The following AKT3 variants were observed in gnomAD, a reference collection of about 807,000 sequenced individuals.
AKT3 encodes the protein RAC-gamma serine/threonine-protein kinase.
Under a neutral mutation model 65.3 loss-of-function variants are expected in AKT3, and 15 were observed. The ratio of observed to expected loss-of-function variants is 0.23; its 90% CI spans 0.15 to 0.35. The LOEUF is 0.35. AKT3 is among the 10% of genes least tolerant of loss of function. The pLI is 1.00. For synonymous variants in AKT3, 206 were observed against 183.8 expected, an observed-to-expected ratio of 1.12 and a Z score of -0.98; for missense variants, 243 against 576.5, an observed-to-expected ratio of 0.42 and a Z score of 5.92.
At chr1:243,796,551 G>T (rs751366120) in intron 2 of AKT3, among the ~76,000 whole-genome samples, 1 of 152,180 alleles carries the variant, frequency 6.6e-6, no homozygotes, top group Non-Finnish European at 1.5e-5. Flanking sequence ...GCCAATGTAT[G>T]TCTATCTCTG....
At chr1:243,626,591 G>C (rs1267697593) in intron 6 of AKT3, among the ~76,000 whole-genome samples, 1 of 152,140 alleles carries the variant, frequency 6.6e-6, no homozygotes, top group African/African-American at 2.4e-5. Flanking sequence ...TAATCTCCTA[G>C]TAGGGACTGA....
rs185865030 is a variant in AKT3, at chr1:243,620,190, G to A, written c.562-5029C>T. Among the ~76,000 whole-genome samples, 251 of 98,084 alleles carry A rather than the reference G, an allele frequency of 2.6e-3. 87 individuals carry two copies. The highest frequency in any genetic ancestry group is 1.4e-3 in the East Asian group (5 of 3,634). The allele number at this position is 98,084 out of a possible 152,430, so 64.3% of individuals were successfully genotyped here. A position where few individuals can be genotyped will look rare whatever the true frequency, so the allele number is the denominator to read the frequency against. On this transcript the variant is annotated intron_variant, in intron 6 of 13. Coordinates refer to ENST00000673466, the MANE Select transcript of AKT3 (RefSeq NM_005465.7). ...CTGATGGTTTTATAAGTGTCTGACA[G>A]TTCCTCTTCACACACTCGCCCTTTC... is the stretch of plus-strand genomic sequence containing the variant.
At chr1:243,792,488 A>G (rs1451067297) in intron 2 of AKT3, among the ~76,000 whole-genome samples, 1 of 152,198 alleles carries the variant, frequency 6.6e-6, no homozygotes, top group Non-Finnish European at 1.5e-5. Flanking sequence ...CCATGAAAGC[A>G]AACAACATGA....
intron 6 of AKT3, among the ~76,000 whole-genome samples, chr1:243,634,477 TATAAC>T (rs1342373936): frequency 6.6e-6 from 1 of 151,942 alleles, no homozygotes; most frequent in East Asian, 1.9e-4. Context: ...ATAGAAAACT[TATAAC>T]AATATATTGT....
intron 2 of AKT3, among the ~76,000 whole-genome samples, chr1:243,772,641 G>A (rs916187991): frequency 2.0e-5 from 3 of 152,184 alleles, no homozygotes; most frequent in Admixed American, 6.5e-5. Flanking sequence ...ATTCCTCAGA[G>A]ATCTAGAACT....
intron 2 of AKT3, among the ~76,000 whole-genome samples, chr1:243,742,127 T>C (rs900611645): frequency 6.7e-6 from 1 of 150,210 alleles, no homozygotes; most frequent in Non-Finnish European, 1.5e-5. Flanking sequence ...CACCATTGTA[T>C]ATAAGGGACT....
At chr1:243,577,274 G>T (rs1252074419) in intron 8 of AKT3, among the ~76,000 whole-genome samples, 1 of 152,140 alleles carries the variant, frequency 6.6e-6, no homozygotes, top group Non-Finnish European at 1.5e-5. Context: ...AGCCTCCTGA[G>T]TAGCTGAGAT....
intron 4 of AKT3, among the ~76,000 whole-genome samples, chr1:243,661,614 C>A (rs1234281307): frequency 4.0e-5 from 6 of 151,710 alleles, no homozygotes; most frequent in South Asian, 2.1e-4. Flanking sequence ...AGAAGAAAAC[C>A]TAGGCATTAC....
chr1:243,593,421 C>T (rs1158929718), intron 8 of AKT3, among the ~76,000 whole-genome samples: 2 of 152,072 alleles, frequency 1.3e-5, no homozygotes, highest in Non-Finnish European at 2.9e-5. Context: ...AAGCCGGGCA[C>T]AGTGTCTGTA....
chr1:243,530,507 G>A (rs1343002551), intron 12 of AKT3, among the ~76,000 whole-genome samples: 1 of 152,142 alleles, frequency 6.6e-6, no homozygotes, highest in Admixed American at 6.5e-5. Flanking sequence ...CAGAATCTCT[G>A]GGACACAGCT....
intron 4 of AKT3, among the ~76,000 whole-genome samples, chr1:243,647,456 C>T (rs901775961): frequency 6.6e-6 from 1 of 152,190 alleles, no homozygotes; most frequent in African/African-American, 2.4e-5. Flanking sequence ...AGTATGTTTA[C>T]ACAATGTTCC....
chr1:243,810,952 G>A (rs1470440436), intron 2 of AKT3, among the ~76,000 whole-genome samples: 3 of 152,098 alleles, frequency 2.0e-5, no homozygotes, highest in Non-Finnish European at 2.9e-5. Context: ...ATGCAGAAAA[G>A]GCCTTTGATA....
intron 7 of AKT3, 141 bp downstream of exon 7, chr1:243,614,955 T>C: frequency 1.6e-6 from 1 of 644,930 alleles, no homozygotes; most frequent in Non-Finnish European, 2.6e-6. Context: ...TCTAATAAGT[T>C]ATAAGAAATT....
chr1:243,683,467 G>GA lies in AKT3; in HGVS notation c.172+12123dup, dbSNP rs1042597779. ...AAGTCAAACACATACACACAAGGTA[G>GA]AAAACTTCAAAACACAGTAGGTGCA... On this transcript the variant is annotated intron_variant, in intron 3 of 13. Transcript: ENST00000673466. 1.6e-4 allele frequency among the ~76,000 whole-genome samples: 25 copies of GA among 152,242 alleles called. 1 individual carries two copies. The highest frequency in any genetic ancestry group is 6.0e-4 in the African/African-American group (25 of 41,556).
At chr1:243,677,929 A>C (rs893689294) in intron 3 of AKT3, among the ~76,000 whole-genome samples, 3 of 152,120 alleles carry the variant, frequency 2.0e-5, no homozygotes, top group Non-Finnish European at 2.9e-5. Context: ...TCTACTAAAA[A>C]TACAAAAAAT....
intron 5 of AKT3, among the ~76,000 whole-genome samples, chr1:243,643,306 C>T (rs770607712): frequency 1.1e-4 from 16 of 152,168 alleles, no homozygotes; most frequent in Admixed American, 2.6e-4. Flanking sequence ...ATACTTTAAA[C>T]GTAAATCATG....
At chr1:243,488,891 G>T in intron 13 of AKT3, 6 of 1,404,890 alleles carry the variant, frequency 4.3e-6, no homozygotes, top group South Asian at 3.5e-5. Flanking sequence ...GGCACCTCAG[G>T]GTCACCCTAG....
chr1:243,641,256 G>GTA (rs1401958439), intron 5 of AKT3, among the ~76,000 whole-genome samples: 17 of 76,880 alleles, frequency 2.2e-4, no homozygotes, highest in African/African-American at 3.5e-4. Flanking sequence ...ATATGTGTGT[G>GTA]TGTATATATA....
intron 8 of AKT3, among the ~76,000 whole-genome samples, chr1:243,591,317 T>A (rs1676209719): frequency 6.6e-6 from 1 of 152,282 alleles, no homozygotes; most frequent in East Asian, 1.9e-4. Context: ...CTAACAGAGT[T>A]TTAAAAAAAT....
Sources: gnomAD v4.1 joint callset for allele counts (sites outside exome capture counted in the v4.1 genomes callset) on GRCh38, gnomAD v4.1.1 for gene constraint, MANE v1.5 for transcripts, NCBI Gene and HGNC (gene_info 2026-07-23, HGNC 2026-07-21) for gene names.